The following ATAD3A variants were observed in gnomAD, a reference collection of about 807,000 sequenced individuals.
ATAD3A encodes ATPase family AAA domain containing 3A.
A neutral mutation model predicts 73.8 loss-of-function variants in ATAD3A; 46 were observed. That is an observed-to-expected ratio of 0.62 (90% CI 0.49 to 0.80). ATAD3A has a LOEUF of 0.80. Among genes scored for constraint, ATAD3A ranks in the 30% least tolerant of loss-of-function variants. The pLI is 0.00. For missense variants in ATAD3A, 705 were observed against 838.0 expected (o/e 0.84, Z 1.96); for synonymous variants, 319 against 350.0 (o/e 0.91, Z 0.99).
rs964681837 is a variant in ATAD3A at position 1,522,593 on chromosome 1, G to A, written c.751-151G>A. 14 of 1,467,810 alleles carry A rather than the reference G, an allele frequency of 9.5e-6. 1 individual carries two copies. In the Admixed American group the frequency reaches 1.2e-4, roughly 13 times the overall value. The allele number at this position is 1,467,810 out of a possible 1,614,324, so 90.9% of individuals were successfully genotyped here. A position where few individuals can be genotyped will look rare whatever the true frequency, so the allele number is the denominator to read the frequency against. ...CTGTAACCGCGTGGCTGTGGGATTCGGGGCCGGGAATTCGCGTTCCTGTGG... is the reference window on the plus strand; with the variant it reads ...CTGTAACCGCGTGGCTGTGGGATTCAGGGCCGGGAATTCGCGTTCCTGTGG... On this transcript the variant is annotated intron_variant, in intron 7 of 15. Coordinates refer to ENST00000378756, the MANE Select transcript of ATAD3A (RefSeq NM_001170535.3).
rs750788574 is a variant in ATAD3A, at chr1:1,520,274, C to T, written c.648C>T (p.Ala216=). 12 of 1,612,872 alleles carry T rather than the reference C, an allele frequency of 7.4e-6. No individual in the cohort carries two copies. In the East Asian group the frequency reaches 8.9e-5, roughly 12 times the overall value. Residue 216 remains alanine (A), a synonymous_variant, in exon 6 of 16, where the codon GCC becomes GCT. Coordinates refer to ENST00000378756, the MANE Select transcript of ATAD3A (RefSeq NM_001170535.3). This position sits in a 1 kb window ranked among gnomAD's most constrained non-coding sequence, Gnocchi z 4.0. ...IIREQIRLKA[A]EHRQTVLESI... ...GCGAGCAGATCCGCCTGAAGGCGGC[C>T]GAGCACCGTCAGACCGTCTTGGAGT...
At chr1:1,528,432 G>C (rs532489162) in intron 14 of ATAD3A, among the ~76,000 whole-genome samples, 77 of 152,214 alleles carry the variant, frequency 5.1e-4, no homozygotes, top group Admixed American at 1.2e-3. Flanking sequence ...ACTGGAGGGA[G>C]AGGCTCCTCA....
intron 13 of ATAD3A, 64 bp from the exon 14 acceptor site, chr1:1,527,631 C>G: frequency 6.5e-7 from 1 of 1,541,820 alleles, no homozygotes; most frequent in Non-Finnish European, 8.8e-7. Flanking sequence ...TGAGGAGGCC[C>G]CGTTCCCCTT....
Position 1,523,639 on chromosome 1 carries a change from G to A in ATAD3A, c.963+72G>A. 2 of 1,606,180 alleles carry A rather than the reference G, an allele frequency of 1.2e-6. No individual in the cohort carries two copies. Among genetic ancestry groups the A allele is most frequent in the Non-Finnish European group, 1.7e-6 (2 of 1,176,458 alleles). ...GGAGCTGGGCCGGGCTGTGGCCCTT[G>A]CTGGCGCTCGTGGTGGCACCCAGGA... is the stretch of plus-strand genomic sequence containing the variant. On this transcript the variant is annotated intron_variant, in intron 9 of 15. Coordinates refer to ENST00000378756, the MANE Select transcript of ATAD3A (RefSeq NM_001170535.3). The surrounding 1 kb of genome is among the most constrained non-coding windows in gnomAD (Gnocchi z 5.1).
chr1:1,518,909 G>A lies in ATAD3A; in HGVS notation c.445-12G>A. 1 of 1,614,120 alleles carries A rather than the reference G, an allele frequency of 6.2e-7. No individual in the cohort carries two copies. The highest frequency in any genetic ancestry group is 8.5e-7 in the Non-Finnish European group (1 of 1,179,972). ...TTAAAGGCTTTTCTCTTTTTCTGCG[G>A]CTTCTTCTCAGCAACTTCTCAATGA... On this transcript the variant is annotated splice_polypyrimidine_tract_variant and intron_variant, in intron 4 of 15. Transcript: ENST00000378756.
rs368021040 is a variant in ATAD3A, at chr1:1,522,819, G to A, written c.826G>A (p.Glu276Lys). ...NATLVAGRFI[E>K]ARLGKPSLVR... The stretch of plus-strand genomic sequence containing the variant: ...CACGCTTGTCGCCGGCCGCTTCATC[G>A]AGGCTCGGCTGGGGAAGCCGTCCCT... Residue 276 changes from glutamate to lysine, a missense_variant, in exon 8 of 16, where the codon GAG becomes AAG. Physicochemically the swap from Glu to Lys is moderately conservative, Grantham distance 56. Coordinates refer to ENST00000378756, the MANE Select transcript of ATAD3A (RefSeq NM_001170535.3). 4.5e-5 allele frequency: 73 copies of A among 1,610,884 alleles called. No individual in the cohort carries two copies. The highest frequency in any genetic ancestry group is 5.9e-5 in the Non-Finnish European group (70 of 1,179,760).
chr1:1,517,113 G>A (rs1557457871), intron 2 of ATAD3A, 198 bp from the exon 3 acceptor site: 1 of 1,540,598 alleles, frequency 6.5e-7, no homozygotes. Flanking sequence ...GGCTTCTGCT[G>A]GTGCTTCTGT....
chr1:1,522,728 G>A lies in ATAD3A; in HGVS notation c.751-16G>A, dbSNP rs370859607. 551 of 1,611,778 alleles carry A rather than the reference G, an allele frequency of 3.4e-4. 1 individual carries two copies. The highest frequency in any genetic ancestry group is 2.6e-3 in the Middle Eastern group (13 of 5,052). ...ACGGTGGGGGCCGGTGCGCCAGTGC[G>A]GTGTCTCTGCTGCAGGTGGCTGGGC... On this transcript the variant is annotated splice_polypyrimidine_tract_variant and intron_variant, in intron 7 of 15. Coordinates refer to ENST00000378756, the MANE Select transcript of ATAD3A (RefSeq NM_001170535.3).
intron 7 of ATAD3A, among the ~76,000 whole-genome samples, chr1:1,521,791 C>G (rs1385870394): frequency 6.6e-6 from 1 of 152,226 alleles, no homozygotes; most frequent in Non-Finnish European, 1.5e-5. Context: ...CCTCCACCTC[C>G]CCAGTTCAAG....
chr1:1,526,612 G>A, intron 13 of ATAD3A, 81 bp downstream of exon 13: 1 of 1,603,742 alleles, frequency 6.2e-7, no homozygotes, highest in Non-Finnish European at 8.5e-7. Context: ...GGACCTGAGG[G>A]GCCCTGGCTC....
At chr1:1,514,798 C>G (rs1041747850) in intron 1 of ATAD3A, among the ~76,000 whole-genome samples, 4 of 152,180 alleles carry the variant, frequency 2.6e-5, no homozygotes, top group Non-Finnish European at 4.4e-5. Flanking sequence ...GGAAGAGAGA[C>G]GGGAACAACG....
intron 12 of ATAD3A, among the ~76,000 whole-genome samples, chr1:1,526,222 T>C (rs1641838307): frequency 6.6e-6 from 1 of 152,044 alleles, no homozygotes; most frequent in Non-Finnish European, 1.5e-5. Context: ...GGTCTCACCA[T>C]GTTGGCCAGG....
chr1:1,528,694 C>T (rs1298953759), intron 14 of ATAD3A, among the ~76,000 whole-genome samples: 1 of 152,246 alleles, frequency 6.6e-6, no homozygotes, highest in Non-Finnish European at 1.5e-5. Flanking sequence ...GTCCCCCGGG[C>T]CCCGGTTTCT....
At position 1,512,537 on chromosome 1, in the gene ATAD3A, C is replaced by T. The variant is rs1328545725; in HGVS notation, c.205+64C>T. 1.3e-5 allele frequency: 18 copies of T among 1,378,364 alleles called. No homozygotes were observed. In the African/African-American group the frequency reaches 2.2e-4, roughly 16 times the overall value. The allele number at this position is 1,378,364 out of a possible 1,614,324, so 85.4% of individuals were successfully genotyped here. A position where few individuals can be genotyped will look rare whatever the true frequency, so the allele number is the denominator to read the frequency against. ...GGGACGGGCCGGGGAAGCGGGAGCC[C>T]TGGCCCTTGCCGCTCCTCGCCGCTG... On this transcript the variant is annotated intron_variant, in intron 1 of 15. Transcript: ENST00000378756.
rs561188633 is a variant in ATAD3A at position 1,525,165 on chromosome 1, C to T, written c.1215-75C>T. The T allele has an allele frequency of 4.9e-5, 79 of 1,600,594 alleles. No homozygotes were observed. The African/African-American group carries it at 9.8e-4, about 20-fold the overall frequency. On this transcript the variant is annotated intron_variant, in intron 11 of 15. Transcript: ENST00000378756. ...GGGGATCTGCCTGCTTGGCCTGCTC[C>T]TGCCGCGGCCGGACGCTGCTGTGGG...
rs368690848 is a variant in ATAD3A at position 1,526,068 on chromosome 1, GC to G, written c.1267-392del. 3.7e-4 allele frequency among the ~76,000 whole-genome samples: 56 copies of G among 150,178 alleles called. 1 individual carries two copies. The East Asian group carries it at 5.5e-3, about 15-fold the overall frequency. ...GGCAGAATTTTACTCTGTTGCCCAC[GC>G]TGGAGTGCAGCGGTGCAATTTCAGC... On this transcript the variant is annotated intron_variant, in intron 12 of 15. Transcript: ENST00000378756.
At chr1:1,525,559 C>T (rs1641782405) in intron 12 of ATAD3A, among the ~76,000 whole-genome samples, 1 of 151,780 alleles carries the variant, frequency 6.6e-6, no homozygotes, top group South Asian at 2.1e-4. Flanking sequence ...GGACTACAGG[C>T]TCCCGCCACC....
At chr1:1,525,925 C>A (rs574910858) in intron 12 of ATAD3A, among the ~76,000 whole-genome samples, 58 of 152,254 alleles carry the variant, frequency 3.8e-4, no homozygotes, top group Non-Finnish European at 6.3e-4. Context: ...CCAGACTGGG[C>A]TCAAACTTCT....
rs201820256 is a variant in ATAD3A, at chr1:1,523,795, A to T, written c.964-44A>T. 2.5e-6 allele frequency: 4 copies of T among 1,612,928 alleles called. No homozygotes were observed. Among genetic ancestry groups the T allele is most frequent in the Non-Finnish European group, 3.4e-6 (4 of 1,179,652 alleles). On this transcript the variant is annotated intron_variant, in intron 9 of 15. Transcript: ENST00000378756. This position sits in a 1 kb window ranked among gnomAD's most constrained non-coding sequence, Gnocchi z 5.1. ...CGCAGCCCCTTCCCCTGAGGCTTCC[A>T]TGGGTGCACAGTGTCTCCTCCAAAC...
Sources: gnomAD v4.1 joint callset for allele counts (sites outside exome capture counted in the v4.1 genomes callset) on GRCh38, gnomAD v4.1.1 for gene constraint, Gnocchi (gnomAD v3.1) non-coding constraint, MANE v1.5 for transcripts, NCBI Gene and HGNC (gene_info 2026-07-23, HGNC 2026-07-21) for gene names.